ARPIN: variants seen among roughly 807,000 people sequenced by gnomAD.
The protein encoded by ARPIN is UPF0552 protein C15orf38.
ARPIN carries 23 observed loss-of-function variants against 25.9 expected under a neutral mutation model. The observed-to-expected ratio is 0.89, with a 90% CI of 0.64 to 1.26. The LOEUF (loss-of-function observed/expected upper bound fraction) is 1.26, where lower values mean the gene tolerates loss of function less well. Ranked by LOEUF, ARPIN falls within the 50% of genes most tolerant of loss-of-function variation. The pLI is 0.00. For missense variants in ARPIN, 333 were observed against 312.2 expected (o/e 1.07, Z -0.50); for synonymous variants, 126 against 131.4 (o/e 0.96, Z 0.28).
chr15:89,903,707 A>G, intron 4 of ARPIN, 70 bp downstream of exon 4: 1 of 1,587,304 alleles, frequency 6.3e-7, no homozygotes. Flanking sequence ...AGCTCTAGGC[A>G]GAAGGGAGGC....
chr15:89,898,126 A>C lies in ARPIN; in HGVS notation c.*3669T>G, dbSNP rs1007517471. 1 of 152,084 alleles carries C rather than the reference A, an allele frequency of 6.6e-6. No individual in the cohort carries two copies. Among genetic ancestry groups the C allele is most frequent in the African/African-American group, 2.4e-5 (1 of 41,350 alleles). 9.4% of individuals were successfully genotyped at this position (152,084 alleles called of 1,614,324 possible). ...GAAATTCCATCTCAAAAAAAAAAAA[A>C]AGAAAGAAAGAAAATTTCCCATATG... is the stretch of plus-strand genomic sequence containing the variant. On this transcript the variant is annotated 3_prime_UTR_variant, in exon 6 of 6. Coordinates refer to ENST00000357484, the MANE Select transcript of ARPIN (RefSeq NM_182616.4).
At chr15:89,903,551 G>A (rs144292469) in intron 4 of ARPIN, among the ~76,000 whole-genome samples, 172 bp from the exon 5 acceptor site, 202 of 152,320 alleles carry the variant, frequency 1.3e-3, no homozygotes, top group East Asian at 5.0e-3. Flanking sequence ...TGGGAGAGTC[G>A]CTCACAGGAA....
At position 89,901,536 on chromosome 15, in the gene ARPIN, C is replaced by T; in HGVS notation, c.*259G>A. ...CTCTAATTTTTTTTTAAAGGGTCAT[C>T]ATGTAATGTCTAGGAAGGCTAGACT... is the stretch of plus-strand genomic sequence containing the variant. On this transcript the variant is annotated 3_prime_UTR_variant, in exon 6 of 6. Transcript: ENST00000357484. 1.9e-6 allele frequency: 1 copy of T among 528,328 alleles called. No individual in the cohort carries two copies. The highest frequency in any genetic ancestry group is 3.4e-6 in the Non-Finnish European group (1 of 297,004). 32.7% of individuals were successfully genotyped at this position (528,328 alleles called of 1,614,324 possible). A position where few individuals can be genotyped will look rare whatever the true frequency, so the allele number is the denominator to read the frequency against.
rs1363405250 is a variant in ARPIN at position 89,895,600 on chromosome 15, C to G, written c.*6195G>C. The G allele has an allele frequency of 6.7e-6, 1 of 148,702 alleles. No individual in the cohort carries two copies. Among genetic ancestry groups the G allele is most frequent in the Non-Finnish European group, 1.5e-5 (1 of 67,444 alleles). 9.2% of individuals were successfully genotyped at this position (148,702 alleles called of 1,614,324 possible). ...AGGGAGTTAGTATAATATTTGTAAG[C>G]ACTTGGACAGTGCATGGCACATAAC... On this transcript the variant is annotated 3_prime_UTR_variant, in exon 6 of 6. Coordinates refer to ENST00000357484, the MANE Select transcript of ARPIN (RefSeq NM_182616.4).
chr15:89,911,460 G>T (rs372796826), intron 1 of ARPIN, among the ~76,000 whole-genome samples: 2 of 152,134 alleles, frequency 1.3e-5, no homozygotes, highest in Admixed American at 6.6e-5. Context: ...AAAGCAGAAC[G>T]TGGAGGCTTC....
chr15:89,912,398 C>T, intron 1 of ARPIN: 1 of 1,094,390 alleles, frequency 9.1e-7, no homozygotes, highest in African/African-American at 1.7e-5. Context: ...TGTGCAAAAG[C>T]AGCGCGGCAA....
intron 3 of ARPIN, among the ~76,000 whole-genome samples, chr15:89,906,579 G>GTA (rs1284111652): frequency 6.6e-6 from 1 of 152,156 alleles, no homozygotes; most frequent in Non-Finnish European, 1.5e-5. Context: ...AACATTTCAA[G>GTA]TATACGACTG....
intron 1 of ARPIN, chr15:89,912,320 C>G (rs1897238594): frequency 1.0e-6 from 1 of 1,001,808 alleles, no homozygotes; most frequent in South Asian, 4.6e-5. Context: ...AGGCCCTGCT[C>G]TGGACCAGCC....
chr15:89,899,563 T>C lies in ARPIN; in HGVS notation c.*2232A>G, dbSNP rs1896985519. On this transcript the variant is annotated 3_prime_UTR_variant, in exon 6 of 6. Transcript: ENST00000357484. ...CACTCACCCAGAATCTGGGCATCATTCTTGATCCCTTCGTCTCCCCCCAGG... is the reference window on the plus strand; with the variant it reads ...CACTCACCCAGAATCTGGGCATCATCCTTGATCCCTTCGTCTCCCCCCAGG... 6.6e-6 allele frequency: 1 copy of C among 152,366 alleles called. No individual in the cohort carries two copies. The highest frequency in any genetic ancestry group is 1.5e-5 in the Non-Finnish European group (1 of 68,230). The allele number at this position is 152,366 out of a possible 1,614,324, so 9.4% of individuals were successfully genotyped here. A position where few individuals can be genotyped will look rare whatever the true frequency, so the allele number is the denominator to read the frequency against.
At chr15:89,911,658 G>A (rs571521994) in intron 1 of ARPIN, among the ~76,000 whole-genome samples, 1 of 152,228 alleles carries the variant, frequency 6.6e-6, no homozygotes, top group East Asian at 1.9e-4. Context: ...ACAACGTGAT[G>A]ATTTAAGTAC....
rs552898489 is a variant in ARPIN at position 89,896,380 on chromosome 15, T to G, written c.*5415A>C. 1 of 152,292 alleles carries G rather than the reference T, an allele frequency of 6.6e-6. No individual in the cohort carries two copies. Among genetic ancestry groups the G allele is most frequent in the East Asian group, 1.9e-4 (1 of 5,188 alleles). The allele number at this position is 152,292 out of a possible 1,614,324, so 9.4% of individuals were successfully genotyped here. On this transcript the variant is annotated 3_prime_UTR_variant, in exon 6 of 6. Coordinates refer to ENST00000357484, the MANE Select transcript of ARPIN (RefSeq NM_182616.4). ...TATAGGAAGAATAACTGAAATATTA[T>G]AAATAATTTAGGCATAAAATAATTT...
intron 3 of ARPIN, 57 bp downstream of exon 3, chr15:89,908,223 A>G: frequency 1.2e-6 from 2 of 1,605,188 alleles, no homozygotes; most frequent in Non-Finnish European, 1.7e-6. Flanking sequence ...CAGAAGAGAA[A>G]GGCCGCCACA....
intron 2 of ARPIN, among the ~76,000 whole-genome samples, chr15:89,908,744 G>C (rs1897171949): frequency 6.6e-6 from 1 of 152,102 alleles, no homozygotes; most frequent in Admixed American, 6.5e-5. Flanking sequence ...AGCACTTTGG[G>C]AGGCAGTGGC....
chr15:89,904,468 T>C (rs1195697787), intron 3 of ARPIN, among the ~76,000 whole-genome samples: 1 of 152,112 alleles, frequency 6.6e-6, no homozygotes, highest in Non-Finnish European at 1.5e-5. Context: ...CATTCCATCT[T>C]GAGACCCCGG....
intron 1 of ARPIN, 110 bp from the exon 2 acceptor site, chr15:89,910,929 T>C (rs1017454214): frequency 5.4e-6 from 7 of 1,291,344 alleles, no homozygotes; most frequent in Non-Finnish European, 7.6e-6. Flanking sequence ...GAGCAGCTCC[T>C]TTCCCCGTGC....
chr15:89,901,726 G>C lies in ARPIN; in HGVS notation c.*69C>G, dbSNP rs1288680914. ...GACTGTTCTCTCCAGCTCCAGAGTA[G>C]AAGTTCATGGAAGAAATGTTCCACA... is the stretch of plus-strand genomic sequence containing the variant. On this transcript the variant is annotated 3_prime_UTR_variant, in exon 6 of 6. Transcript: ENST00000357484. The C allele has an allele frequency of 2.6e-6, 4 of 1,565,246 alleles. No individual in the cohort carries two copies. In the African/African-American group the frequency reaches 4.1e-5, roughly 16 times the overall value.
At position 89,900,358 on chromosome 15, in the gene ARPIN, G is replaced by T. The variant is rs914830073; in HGVS notation, c.*1437C>A. The T allele has an allele frequency of 3.3e-5, 5 of 152,250 alleles. No homozygotes were observed. Among genetic ancestry groups the T allele is most frequent in the Admixed American group, 2.6e-4 (4 of 15,278 alleles). The allele number at this position is 152,250 out of a possible 1,614,324, so 9.4% of individuals were successfully genotyped here. On this transcript the variant is annotated 3_prime_UTR_variant, in exon 6 of 6. Coordinates refer to ENST00000357484, the MANE Select transcript of ARPIN (RefSeq NM_182616.4). ...TCATTAGCTGTGTGACTCTGGGCAG[G>T]TTGCTTAACCTGTCTGAGACCCTTT...
chr15:89,912,691 G>A (rs1897247967), intron 1 of ARPIN, 53 bp downstream of exon 1: 1 of 1,266,114 alleles, frequency 7.9e-7, no homozygotes, highest in African/African-American at 1.6e-5. Flanking sequence ...TCCTGTTGCG[G>A]GGTTCGAGCC....
rs534243083 is a variant in ARPIN, at chr15:89,900,387, T to G, written c.*1408A>C. 6.6e-6 allele frequency: 1 copy of G among 152,384 alleles called. No individual in the cohort carries two copies. The highest frequency in any genetic ancestry group is 2.1e-4 in the South Asian group (1 of 4,824). The allele number at this position is 152,384 out of a possible 1,614,324, so 9.4% of individuals were successfully genotyped here. Reference sequence around the variant, plus strand: ...CTTAACCTGTCTGAGACCCTTTTCCTGCTCTGTAATATGAATAGTCCGGTA... The same window carrying G: ...CTTAACCTGTCTGAGACCCTTTTCCGGCTCTGTAATATGAATAGTCCGGTA... On this transcript the variant is annotated 3_prime_UTR_variant, in exon 6 of 6. Coordinates refer to ENST00000357484, the MANE Select transcript of ARPIN (RefSeq NM_182616.4).
Sources: allele counts gnomAD v4.1 joint callset (sites outside exome capture counted in the v4.1 genomes callset), GRCh38; gene constraint gnomAD v4.1.1; transcripts MANE v1.5; gene names NCBI Gene and HGNC (gene_info 2026-07-23, HGNC 2026-07-21).